The following OPRD1 variants were observed in gnomAD, a reference collection of about 807,000 sequenced individuals.
OPRD1 encodes delta-type opioid receptor.
A neutral mutation model predicts 17.5 loss-of-function variants in OPRD1; 19 were observed. That is an observed-to-expected ratio of 1.09 (90% CI 0.76 to 1.60). The LOEUF (loss-of-function observed/expected upper bound fraction) is 1.60, where lower values mean the gene tolerates loss of function less well. Among genes scored for constraint, OPRD1 ranks in the 40% most tolerant of loss-of-function variants. The pLI, the probability that OPRD1 is intolerant of heterozygous loss-of-function variation, is 0.00. For missense variants in OPRD1, 483 were observed against 547.2 expected, an observed-to-expected ratio of 0.88 and a Z score of 1.17; for synonymous variants, 256 against 240.9, an observed-to-expected ratio of 1.06 and a Z score of -0.58.
intron 1 of OPRD1, among the ~76,000 whole-genome samples, chr1:28,827,393 G>C (rs1398161447): frequency 6.6e-6 from 1 of 151,954 alleles, no homozygotes; most frequent in Non-Finnish European, 1.5e-5. Flanking sequence ...TCACAGGCAC[G>C]ATCATAGCTC....
At chr1:28,843,093 T>C (rs902387746) in intron 1 of OPRD1, among the ~76,000 whole-genome samples, 1 of 152,052 alleles carries the variant, frequency 6.6e-6, no homozygotes, top group African/African-American at 2.4e-5. Context: ...AAAGCATCAT[T>C]ACACTGAAAT....
intron 1 of OPRD1, among the ~76,000 whole-genome samples, chr1:28,824,934 C>T (rs1384358285): frequency 6.6e-6 from 1 of 151,546 alleles, no homozygotes; most frequent in Non-Finnish European, 1.5e-5. Context: ...CAGGTTCACG[C>T]CATTCTCCTG....
intron 1 of OPRD1, among the ~76,000 whole-genome samples, chr1:28,821,495 C>G (rs535557530): frequency 6.6e-6 from 1 of 152,126 alleles, no homozygotes; most frequent in Non-Finnish European, 1.5e-5. Flanking sequence ...ACCTTGGCCT[C>G]CGAAAGTGCT....
At chr1:28,862,626 G>T (rs2089133162) in intron 2 of OPRD1, 116 bp from the exon 3 acceptor site, 2 of 919,458 alleles carry the variant, frequency 2.2e-6, no homozygotes, top group East Asian at 2.6e-5. Context: ...TTGAACAAAG[G>T]CTGGGAGGAG....
chr1:28,814,668 G>T (rs1432292470), intron 1 of OPRD1, among the ~76,000 whole-genome samples: 1 of 152,190 alleles, frequency 6.6e-6, no homozygotes, highest in Non-Finnish European at 1.5e-5. Flanking sequence ...CTGAGCAAGG[G>T]GAGGGGACTC....
chr1:28,856,318 A>G (rs2089058406), intron 1 of OPRD1, among the ~76,000 whole-genome samples: 1 of 152,222 alleles, frequency 6.6e-6, no homozygotes, highest in African/African-American at 2.4e-5. Context: ...ACTTGGGGTG[A>G]GGAGGTGCTT....
intron 1 of OPRD1, among the ~76,000 whole-genome samples, chr1:28,846,358 C>T (rs558709419): frequency 1.3e-5 from 2 of 152,236 alleles, no homozygotes; most frequent in East Asian, 1.9e-4. Flanking sequence ...GCTGCCACCA[C>T]GGTCAGGTTC....
At position 28,858,544 on chromosome 1, in the gene OPRD1, C is replaced by CTT. The variant is rs1168180514; in HGVS notation, c.228-393_228-392dup. 9.7e-4 allele frequency among the ~76,000 whole-genome samples: 130 copies of CTT among 133,526 alleles called. 2 individuals are homozygous for CTT. The South Asian group carries it at 0.011, about 11-fold the overall frequency. 87.6% of individuals were successfully genotyped at this position (133,526 alleles called of 152,430 possible). On this transcript the variant is annotated intron_variant, in intron 1 of 2. Transcript: ENST00000234961. ...TTCTAGTCCCACCTTTGCCCCAACC[C>CTT]TTTTTTTTTTTTTTTTTTGAGACAG...
At chr1:28,835,046 C>T (rs1431441512) in intron 1 of OPRD1, among the ~76,000 whole-genome samples, 2 of 152,180 alleles carry the variant, frequency 1.3e-5, no homozygotes, top group Non-Finnish European at 2.9e-5. Flanking sequence ...GGAGTATATC[C>T]TTTGTTCATA....
intron 1 of OPRD1, among the ~76,000 whole-genome samples, chr1:28,834,463 C>A (rs1006821702): frequency 6.6e-6 from 1 of 150,668 alleles, no homozygotes; most frequent in Non-Finnish European, 1.5e-5. Context: ...TCACTGCAAC[C>A]TCCACCTCCT....
chr1:28,815,644 G>A (rs2124255530), intron 1 of OPRD1, among the ~76,000 whole-genome samples: 1 of 152,344 alleles, frequency 6.6e-6, no homozygotes, highest in South Asian at 2.1e-4. Context: ...GCCCGGGCTG[G>A]AGAAGGGACC....
In OPRD1 at chr1:28,824,120, A is replaced by G. The variant is rs536950047; in HGVS notation, c.227+11510A>G. On this transcript the variant is annotated intron_variant, in intron 1 of 2. Transcript: ENST00000234961. The stretch of plus-strand genomic sequence containing the variant: ...CTTGAGCCTGGGAGGCGGAGGTTGC[A>G]GTGAGCCGAGATCGCATCACTGCAC... Among the ~76,000 whole-genome samples, 4 of 147,326 alleles carry G rather than the reference A, an allele frequency of 2.7e-5. No individual in the cohort carries two copies. In the East Asian group the frequency reaches 6.7e-4, roughly 25 times the overall value.
Position 28,812,618 on chromosome 1 carries a change from C to T in OPRD1, c.227+8C>T. 1 of 1,493,854 alleles carries T rather than the reference C, an allele frequency of 6.7e-7. No homozygotes were observed. Among genetic ancestry groups the T allele is most frequent in the Non-Finnish European group, 8.9e-7 (1 of 1,122,696 alleles). 92.5% of individuals were successfully genotyped at this position (1,493,854 alleles called of 1,614,324 possible). On this transcript the variant is annotated splice_region_variant and intron_variant, in intron 1 of 2. Transcript: ENST00000234961. ...CATGTTCGGCATCGTCCGGTGAGTC[C>T]GCTGCGGGCCGGCGCCGCAGGGCTG...
chr1:28,816,768 A>G (rs1569599771), intron 1 of OPRD1, among the ~76,000 whole-genome samples: 2 of 151,890 alleles, frequency 1.3e-5, no homozygotes, highest in South Asian at 4.2e-4. Context: ...ACACCGGACA[A>G]CCCCTTCCTC....
At chr1:28,841,054 C>T (rs1437719886) in intron 1 of OPRD1, among the ~76,000 whole-genome samples, 1 of 152,204 alleles carries the variant, frequency 6.6e-6, no homozygotes, top group Non-Finnish European at 1.5e-5. Context: ...AGCACATAAA[C>T]CACACCTGAG....
chr1:28,812,443 G>A lies in OPRD1; in HGVS notation c.60G>A (p.Ser20=), dbSNP rs745463734. ...ELQPPLFANA[S]DAYPSACPSA... ...AGCCCCCGCTCTTCGCCAACGCCTC[G>A]GACGCCTACCCTAGCGCCTGCCCCA... The change falls in exon 1 of 3, where the codon TCG becomes TCA. Residue 20 remains serine, a synonymous_variant. Transcript: ENST00000234961. 3 of 1,499,882 alleles carry A rather than the reference G, an allele frequency of 2.0e-6. No individual in the cohort carries two copies. In the African/African-American group the frequency reaches 4.4e-5, roughly 22 times the overall value. 92.9% of individuals were successfully genotyped at this position (1,499,882 alleles called of 1,614,324 possible).
At chr1:28,833,352 C>A (rs1246470228) in intron 1 of OPRD1, among the ~76,000 whole-genome samples, 3 of 152,158 alleles carry the variant, frequency 2.0e-5, no homozygotes, top group African/African-American at 7.2e-5. Flanking sequence ...CTGTATCAGG[C>A]ATGATCCTAT....
In OPRD1 at chr1:28,865,172, A is replaced by G. The variant is rs1569663754; in HGVS notation, c.*1889A>G. 1 of 150,682 alleles carries G rather than the reference A, an allele frequency of 6.6e-6. No individual in the cohort carries two copies. Among genetic ancestry groups the G allele is most frequent in the African/African-American group, 2.4e-5 (1 of 40,848 alleles). The allele number at this position is 150,682 out of a possible 1,614,324, so 9.3% of individuals were successfully genotyped here. ...ATCAGTGTCTGTCCTTGTTCTCTGT[A>G]CCTCCCCCGTGCCTCATCTCCTCTC... On this transcript the variant is annotated 3_prime_UTR_variant, in exon 3 of 3. Coordinates refer to ENST00000234961, the MANE Select transcript of OPRD1 (RefSeq NM_000911.4).
chr1:28,827,050 T>A (rs1284764876), intron 1 of OPRD1, among the ~76,000 whole-genome samples: 2 of 152,198 alleles, frequency 1.3e-5, no homozygotes, highest in Admixed American at 1.3e-4. Flanking sequence ...ATTCCAGCAC[T>A]TTGGGAGGCC....
Sources: allele counts gnomAD v4.1 joint callset (sites outside exome capture counted in the v4.1 genomes callset), GRCh38; gene constraint gnomAD v4.1.1; transcripts MANE v1.5; gene names NCBI Gene and HGNC (gene_info 2026-07-23, HGNC 2026-07-21).